SLC35F4: variants seen among roughly 807,000 people sequenced by gnomAD.
SLC35F4 encodes the protein chromosome 14 open reading frame 36.
In SLC35F4, 24 loss-of-function variants were observed where a neutral mutation model predicts 44.2. The observed-to-expected ratio is 0.54, with a 90% CI of 0.39 to 0.76. The LOEUF is 0.76. Among genes scored for constraint, SLC35F4 ranks in the 30% least tolerant of loss-of-function variants. The pLI, the probability that SLC35F4 is intolerant of heterozygous loss-of-function variation, is 0.00. For missense variants in SLC35F4, 562 were observed against 586.1 expected, an observed-to-expected ratio of 0.96 and a Z score of 0.42; for synonymous variants, 238 against 223.6, an observed-to-expected ratio of 1.06 and a Z score of -0.57.
chr14:57,646,936 G>A (rs75025372), intron 1 of SLC35F4, among the ~76,000 whole-genome samples: 20,196 of 152,142 alleles, frequency 0.13, 1,580 homozygotes, highest in East Asian at 0.22. Flanking sequence ...GCGGTTTTGA[G>A]TGAGTTTCTT....
intron 1 of SLC35F4, among the ~76,000 whole-genome samples, chr14:57,939,781 T>C (rs1402328174): frequency 6.6e-6 from 1 of 152,178 alleles, no homozygotes; most frequent in Non-Finnish European, 1.5e-5. Flanking sequence ...AATAAAGATA[T>C]TACATTTTTC....
At position 57,652,278 on chromosome 14, in the gene SLC35F4, A is replaced by G. The variant is rs137906810; in HGVS notation, c.104-58154T>C. Among the ~76,000 whole-genome samples, 43 of 152,322 alleles carry G rather than the reference A, an allele frequency of 2.8e-4. 1 individual carries two copies. The highest frequency in any genetic ancestry group is 9.6e-4 in the African/African-American group (40 of 41,582). ...AATAAACCAGAAACAAGAAATAAAAAGAAACCCCATGGACAGGCGTGCTAG... is the reference window on the plus strand; with the variant it reads ...AATAAACCAGAAACAAGAAATAAAAGGAAACCCCATGGACAGGCGTGCTAG... On this transcript the variant is annotated intron_variant, in intron 1 of 7. Coordinates refer to ENST00000556826, the MANE Select transcript of SLC35F4 (RefSeq NM_001306087.2).
chr14:57,593,991 G>A lies in SLC35F4; in HGVS notation c.237C>T (p.Asn79=). The change falls in exon 2 of 8, where the codon AAC becomes AAT. Residue 79 remains asparagine (N), a synonymous_variant. Coordinates refer to ENST00000556826, the MANE Select transcript of SLC35F4 (RefSeq NM_001306087.2). ...GTCCACAAACTCCTGAGGATCCTTG[G>A]TTTTGAAGTTCAAGAATAGGAGCAG... ...DSSAPILELQ[N]QGSSGVCGHR... is the part of the protein sequence containing the mutation. The A allele has an allele frequency of 6.2e-7, 1 of 1,613,878 alleles. No individual in the cohort carries two copies. Among genetic ancestry groups the A allele is most frequent in the East Asian group, 2.2e-5 (1 of 44,872 alleles).
chr14:57,774,501 G>C (rs942079517), intron 1 of SLC35F4, among the ~76,000 whole-genome samples: 2 of 152,194 alleles, frequency 1.3e-5, no homozygotes, highest in South Asian at 2.1e-4. Context: ...CCCTAGGCTC[G>C]ACTTGCTCCT....
At position 57,667,685 on chromosome 14, in the gene SLC35F4, G is replaced by T. The variant is rs891424681; in HGVS notation, c.104-73561C>A. On this transcript the variant is annotated intron_variant, in intron 1 of 7. Coordinates refer to ENST00000556826, the MANE Select transcript of SLC35F4 (RefSeq NM_001306087.2). ...GAACTCATCCTTGTTTATGGCTGCA[G>T]AGTATTCCATGGTGTATATGTGCCA... Among the ~76,000 whole-genome samples, 23 of 151,822 alleles carry T rather than the reference G, an allele frequency of 1.5e-4. No homozygotes were observed. In the Middle Eastern group the frequency reaches 0.01, roughly 67 times the overall value.
Position 57,589,362 on chromosome 14 carries a change from C to G in SLC35F4, c.441G>C (p.Gln147His). 6.2e-7 allele frequency: 1 copy of G among 1,613,940 alleles called. No homozygotes were observed. Among genetic ancestry groups the G allele is most frequent in the Non-Finnish European group, 8.5e-7 (1 of 1,179,884 alleles). ...AGTTCTTATAAGTAATTTTTACAAT[C>G]TGTGTAGTTCCAACCCAAGATGATG... ...SVSSSWVGTT[Q>H]IVKITYKNFY... The change falls in exon 3 of 8, where the codon CAG becomes CAC. Residue 147 changes from glutamine to histidine, a missense_variant. By Grantham distance (24) the Gln-to-His change is conservative. Coordinates refer to ENST00000556826, the MANE Select transcript of SLC35F4 (RefSeq NM_001306087.2).
At chr14:57,665,081 T>A (rs943155579) in intron 1 of SLC35F4, among the ~76,000 whole-genome samples, 2 of 152,018 alleles carry the variant, frequency 1.3e-5, no homozygotes, top group Admixed American at 1.3e-4. Context: ...TCTCCTTTCC[T>A]TCCCTTTGTC....
intron 1 of SLC35F4, among the ~76,000 whole-genome samples, chr14:57,720,913 T>C (rs1261403935): frequency 6.7e-6 from 1 of 149,828 alleles, no homozygotes; most frequent in Non-Finnish European, 1.5e-5. Context: ...GACTGGCTCT[T>C]CTTTCTCCTC....
chr14:57,891,040 G>A (rs1248454827), intron 1 of SLC35F4, among the ~76,000 whole-genome samples: 12 of 152,156 alleles, frequency 7.9e-5, no homozygotes, highest in African/African-American at 2.9e-4. Flanking sequence ...AAAAGTAAGG[G>A]ATATGAGAGC....
chr14:57,964,525 G>A (rs940340462), intron 1 of SLC35F4, among the ~76,000 whole-genome samples: 1 of 152,070 alleles, frequency 6.6e-6, no homozygotes, highest in African/African-American at 2.4e-5. Context: ...ACAAGTCAAC[G>A]GACATTTATC....
At chr14:57,643,227 T>C (rs1017949261) in intron 1 of SLC35F4, among the ~76,000 whole-genome samples, 13 of 152,038 alleles carry the variant, frequency 8.6e-5, no homozygotes, top group African/African-American at 3.1e-4. Flanking sequence ...ATTTGACCAA[T>C]TGTATTAAGA....
At position 57,776,134 on chromosome 14, in the gene SLC35F4, A is replaced by T. The variant is rs1483297260; in HGVS notation, c.103+89589T>A. 3.9e-5 allele frequency among the ~76,000 whole-genome samples: 6 copies of T among 152,216 alleles called. No individual in the cohort carries two copies. In the South Asian group the frequency reaches 1.2e-3, roughly 32 times the overall value. On this transcript the variant is annotated intron_variant, in intron 1 of 7. Coordinates refer to ENST00000556826, the MANE Select transcript of SLC35F4 (RefSeq NM_001306087.2). ...AAAAGGAATGAACAAAACCTCCAAG[A>T]AATATGGGATTATGTTAGGAGACCA...
intron 1 of SLC35F4, among the ~76,000 whole-genome samples, chr14:57,981,534 T>C (rs1955627): frequency 0.51 from 76,869 of 151,934 alleles, 20,446 homozygotes; most frequent in African/African-American, 0.7. Flanking sequence ...GACTTCATTC[T>C]CATCTCAAAA....
intron 1 of SLC35F4, among the ~76,000 whole-genome samples, chr14:57,705,234 T>C (rs1163393226): frequency 6.6e-6 from 1 of 152,004 alleles, no homozygotes; most frequent in Non-Finnish European, 1.5e-5. Context: ...CTACTGCAAA[T>C]GGAATCAAAA....
chr14:57,848,668 G>C (rs922716836), intron 1 of SLC35F4, among the ~76,000 whole-genome samples: 9 of 152,158 alleles, frequency 5.9e-5, no homozygotes, highest in Non-Finnish European at 7.3e-5. Flanking sequence ...ATTGCTTCAA[G>C]AGCCTGGATA....
rs547663837 is a variant in SLC35F4 at position 57,701,798 on chromosome 14, A to G, written c.104-107674T>C. 2.0e-5 allele frequency among the ~76,000 whole-genome samples: 3 copies of G among 152,352 alleles called. No homozygotes were observed. In the East Asian group the frequency reaches 5.8e-4, roughly 29 times the overall value. On this transcript the variant is annotated intron_variant, in intron 1 of 7. Transcript: ENST00000556826. Reference sequence around the variant, plus strand: ...AGTCGAACAATTATAACAACCTACTATAATAAAAGTTATATGAATGCGATG... The same window carrying G: ...AGTCGAACAATTATAACAACCTACTGTAATAAAAGTTATATGAATGCGATG...
chr14:57,702,295 T>G (rs1300523919), intron 1 of SLC35F4, among the ~76,000 whole-genome samples: 1 of 147,942 alleles, frequency 6.8e-6, no homozygotes, highest in Non-Finnish European at 1.5e-5. Context: ...ATATTCCCAT[T>G]GTAATGCACT....
intron 1 of SLC35F4, among the ~76,000 whole-genome samples, chr14:57,729,365 A>T (rs2140466165): frequency 1.3e-5 from 2 of 152,304 alleles, no homozygotes; most frequent in Middle Eastern, 6.8e-3. Context: ...CCCTGGAGCC[A>T]GCATGTCTCA....
chr14:57,793,900 T>C (rs1237716349), intron 1 of SLC35F4, among the ~76,000 whole-genome samples: 1 of 152,054 alleles, frequency 6.6e-6, no homozygotes, highest in East Asian at 1.9e-4. Flanking sequence ...AACCCAGAAA[T>C]AAAGCCAAAT....
Sources: gnomAD v4.1 joint callset for allele counts (sites outside exome capture counted in the v4.1 genomes callset) on GRCh38, gnomAD v4.1.1 for gene constraint, MANE v1.5 for transcripts, NCBI Gene and HGNC (gene_info 2026-07-23, HGNC 2026-07-21) for gene names.